The following CAMK2G variants were observed in gnomAD, a reference collection of about 807,000 sequenced individuals.
The protein encoded by CAMK2G is calcium/calmodulin-dependent protein kinase type II subunit gamma.
In CAMK2G, 23 loss-of-function variants were observed where a neutral mutation model predicts 88.7. The observed-to-expected ratio is 0.26, with a 90% CI of 0.19 to 0.37. CAMK2G has a LOEUF of 0.37. Among genes scored for constraint, CAMK2G ranks in the 10% least tolerant of loss-of-function variants. CAMK2G has a pLI of 1.00. For synonymous variants in CAMK2G, 263 were observed against 294.8 expected (o/e 0.89, Z 1.11); for missense variants, 476 against 780.8 (o/e 0.61, Z 4.65).
chr10:73,828,470 T>C (rs915195395), intron 14 of CAMK2G, among the ~76,000 whole-genome samples: 1 of 152,228 alleles, frequency 6.6e-6, no homozygotes, highest in African/African-American at 2.4e-5. Context: ...TCTGGGTTCA[T>C]AGGGTTAGCT....
Position 73,838,901 on chromosome 10 carries a change from G to A in CAMK2G, c.1009+638C>T, listed in dbSNP as rs960460039. Among the ~76,000 whole-genome samples, 3 of 152,326 alleles carry A rather than the reference G, an allele frequency of 2.0e-5. No homozygotes were observed. In the East Asian group the frequency reaches 5.8e-4, roughly 29 times the overall value. On this transcript the variant is annotated intron_variant, in intron 13 of 22. Coordinates refer to ENST00000423381, the MANE Select transcript of CAMK2G (RefSeq NM_001367534.1). ...ATTAGGACTTCTTACGAGCTCCCAG[G>A]TAACAGCTGTACTGCACAGGCAGGG...
intron 2 of CAMK2G, among the ~76,000 whole-genome samples, chr10:73,870,947 G>C (rs1035082511): frequency 6.6e-6 from 1 of 152,028 alleles, no homozygotes; most frequent in Non-Finnish European, 1.5e-5. Context: ...CTCCAAGACA[G>C]CCCCTTTCCA....
rs772488706 is a variant in CAMK2G, at chr10:73,839,119, C to T, written c.1009+420G>A. 2.6e-5 allele frequency among the ~76,000 whole-genome samples: 4 copies of T among 152,316 alleles called. No individual in the cohort carries two copies. Among genetic ancestry groups the T allele is most frequent in the East Asian group, 1.9e-4 (1 of 5,176 alleles). On this transcript the variant is annotated intron_variant, in intron 13 of 22. Coordinates refer to ENST00000423381, the MANE Select transcript of CAMK2G (RefSeq NM_001367534.1). This position sits in a 1 kb window ranked among gnomAD's most constrained non-coding sequence, Gnocchi z 4.2. Reference sequence around the variant, plus strand: ...CCTTTCAGACCTGGAGGCCAGCAAGCGCCAGACTTCACAATTTTGAGGAGC... The same window carrying T: ...CCTTTCAGACCTGGAGGCCAGCAAGTGCCAGACTTCACAATTTTGAGGAGC...
intron 1 of CAMK2G, 134 bp from the exon 2 acceptor site, chr10:73,873,217 G>A (rs1407808247): frequency 2.1e-6 from 2 of 956,310 alleles, no homozygotes; most frequent in African/African-American, 1.6e-5. Context: ...ACACACCGGC[G>A]CTGTGACCAC....
intron 17 of CAMK2G, among the ~76,000 whole-genome samples, chr10:73,822,538 T>G (rs189778376): frequency 6.6e-5 from 10 of 152,310 alleles, no homozygotes; most frequent in African/African-American, 1.9e-4. Context: ...TTACTCCTGC[T>G]AAGAACTCCC....
chr10:73,816,355 G>T, intron 21 of CAMK2G: 1 of 999,122 alleles, frequency 1.0e-6, no homozygotes, highest in Non-Finnish European at 1.2e-6. Flanking sequence ...TTCCTCTATT[G>T]TGAAACCTGC....
In CAMK2G at chr10:73,842,151, A is replaced by G; in HGVS notation, c.946+18T>C. 1.2e-6 allele frequency: 2 copies of G among 1,604,180 alleles called. No homozygotes were observed. The highest frequency in any genetic ancestry group is 2.2e-5 in the East Asian group (1 of 44,834). ...ACTCACCTCGGCATAATCAAAGTAC[A>G]CAGCTGGGAAAACATACCTGAGAAG... On this transcript the variant is annotated intron_variant, in intron 12 of 22. Transcript: ENST00000423381. The surrounding 1 kb of genome is among the most constrained non-coding windows in gnomAD (Gnocchi z 4.6).
intron 4 of CAMK2G, 114 bp downstream of exon 4, chr10:73,853,078 C>G: frequency 1.0e-6 from 1 of 967,102 alleles, no homozygotes; most frequent in Non-Finnish European, 1.6e-6. Flanking sequence ...TTCCCTCGGA[C>G]AAAGGAGGGG....
intron 3 of CAMK2G, 32 bp from the exon 4 acceptor site, chr10:73,853,278 CA>C (rs1362421226): frequency 1.2e-6 from 2 of 1,603,806 alleles, no homozygotes; most frequent in African/African-American, 1.3e-5. Context: ...CAGAGATTAA[CA>C]GAGAGAAAAC....
intron 16 of CAMK2G, 113 bp downstream of exon 16, chr10:73,825,166 G>A: frequency 1.2e-6 from 1 of 801,016 alleles, no homozygotes; most frequent in Non-Finnish European, 2.2e-6. Flanking sequence ...CAGTTCTATG[G>A]GGACCAAGAA....
At chr10:73,825,179 G>A in intron 16 of CAMK2G, 100 bp downstream of exon 16, 1 of 852,262 alleles carries the variant, frequency 1.2e-6, no homozygotes, top group South Asian at 1.3e-5. Flanking sequence ...ACCAAGAAAG[G>A]AACAGGCCAG....
Position 73,842,346 on chromosome 10 carries a change from C to T in CAMK2G, c.903+112G>A. ...CCCCCTCCCCTGTGACATGTACAACCTTCAGAGCCCAGCTCCAGCCAGGAG... is the reference window on the plus strand; with the variant it reads ...CCCCCTCCCCTGTGACATGTACAACTTTCAGAGCCCAGCTCCAGCCAGGAG... On this transcript the variant is annotated intron_variant, in intron 11 of 22. Transcript: ENST00000423381. This position sits in a 1 kb window ranked among gnomAD's most constrained non-coding sequence, Gnocchi z 4.6. 3 of 1,153,196 alleles carry T rather than the reference C, an allele frequency of 2.6e-6. No homozygotes were observed. The highest frequency in any genetic ancestry group is 3.9e-6 in the Non-Finnish European group (3 of 761,858). 71.4% of individuals were successfully genotyped at this position (1,153,196 alleles called of 1,614,324 possible).
rs563108053 is a variant in CAMK2G at position 73,832,546 on chromosome 10, C to A, written c.1054-4425G>T. ...GGTCTCGATCTCCTGACCTCGTGAT[C>A]TGTCTGCCTCGGGCTCCCAAAGTGC... is the stretch of plus-strand genomic sequence containing the variant. On this transcript the variant is annotated intron_variant, in intron 14 of 22. Coordinates refer to ENST00000423381, the MANE Select transcript of CAMK2G (RefSeq NM_001367534.1). 1.8e-4 allele frequency among the ~76,000 whole-genome samples: 28 copies of A among 152,278 alleles called. No homozygotes were observed. The East Asian group carries it at 2.1e-3, about 12-fold the overall frequency.
At chr10:73,830,995 T>C (rs1231082590) in intron 14 of CAMK2G, among the ~76,000 whole-genome samples, 1 of 152,228 alleles carries the variant, frequency 6.6e-6, no homozygotes, top group Non-Finnish European at 1.5e-5. Context: ...CCATCTGAGC[T>C]ACTTCACAGG....
At chr10:73,855,206 G>A (rs548888052) in intron 3 of CAMK2G, among the ~76,000 whole-genome samples, 5 of 152,244 alleles carry the variant, frequency 3.3e-5, no homozygotes, top group South Asian at 2.1e-4. Flanking sequence ...ACTCACTTGC[G>A]CACCTCTGGT....
chr10:73,829,823 A>G (rs1172124682), intron 14 of CAMK2G, among the ~76,000 whole-genome samples: 1 of 151,906 alleles, frequency 6.6e-6, no homozygotes, highest in East Asian at 1.9e-4. Context: ...CACAGTACCT[A>G]GCAACATGCC....
intron 3 of CAMK2G, among the ~76,000 whole-genome samples, chr10:73,855,059 G>A (rs2094926036): frequency 6.6e-6 from 1 of 152,112 alleles, no homozygotes; most frequent in African/African-American, 2.4e-5. Flanking sequence ...TAGGCCTGCA[G>A]ATGACAGAGG....
At chr10:73,869,664 AG>A (rs2095740958) in intron 2 of CAMK2G, among the ~76,000 whole-genome samples, 1 of 152,278 alleles carries the variant, frequency 6.6e-6, no homozygotes, top group African/African-American at 2.4e-5. Context: ...GCAGAAGTAT[AG>A]AAACACATAA....
chr10:73,874,083 G>A (rs1190849598), intron 1 of CAMK2G, among the ~76,000 whole-genome samples: 3 of 150,226 alleles, frequency 2.0e-5, no homozygotes, highest in South Asian at 2.1e-4. Flanking sequence ...GGCAGCGTTG[G>A]GAGGTGGTCG....
Sources: allele counts gnomAD v4.1 joint callset (sites outside exome capture counted in the v4.1 genomes callset), GRCh38; gene constraint gnomAD v4.1.1; non-coding constraint Gnocchi (gnomAD v3.1); transcripts MANE v1.5; gene names NCBI Gene and HGNC (gene_info 2026-07-23, HGNC 2026-07-21).